Variants in IL34 observed in about 807,000 individuals in gnomAD.
IL34 encodes the protein interleukin-34.
IL34 carries 17 observed loss-of-function variants against 25.3 expected under a neutral mutation model. The observed-to-expected ratio is 0.67, with a 90% CI of 0.46 to 1.01. The LOEUF (loss-of-function observed/expected upper bound fraction) is 1.01, where lower values mean the gene tolerates loss of function less well. Among genes scored for constraint, IL34 ranks in the 50% least tolerant of loss-of-function variants. The pLI is 0.00. For synonymous variants in IL34, 174 were observed against 140.9 expected, an observed-to-expected ratio of 1.23 and a Z score of -1.66; for missense variants, 368 against 312.9, an observed-to-expected ratio of 1.18 and a Z score of -1.33.
chr16:70,597,069 T>G (rs1192080064), intron 1 of IL34, among the ~76,000 whole-genome samples: 1 of 152,082 alleles, frequency 6.6e-6, no homozygotes, highest in Non-Finnish European at 1.5e-5. Context: ...GCCTGCTGCT[T>G]AACCCTCCTA....
intron 5 of IL34, 100 bp from the exon 6 acceptor site, chr16:70,659,897 C>A: frequency 1.3e-6 from 2 of 1,481,484 alleles, no homozygotes; most frequent in Non-Finnish European, 1.8e-6. Flanking sequence ...CAGGATGGGC[C>A]CTGGGTAGAG....
intron 1 of IL34, among the ~76,000 whole-genome samples, chr16:70,651,132 CAG>C (rs747363116): frequency 5.6e-4 from 85 of 151,898 alleles, no homozygotes; most frequent in Admixed American, 2.8e-3. Context: ...GTGCTGGAGA[CAG>C]AGACCGATGG....
In IL34 at chr16:70,660,167, G is replaced by A. The variant is rs777887915; in HGVS notation, c.709G>A (p.Gly237Ser). 1.1e-4 allele frequency: 180 copies of A among 1,596,068 alleles called. No individual in the cohort carries two copies. The highest frequency in any genetic ancestry group is 1.5e-4 in the Non-Finnish European group (174 of 1,172,370). ...CTCGGTGAGGCCGGTCAGGGCACAG[G>A]GCGAGGGCCTCTTGCCCTGAGCACC... Reference protein sequence around the residue: ...TGSVRPVRAQGEGLLP With the variant: ...TGSVRPVRAQSEGLLP The change falls in exon 6 of 6, where the codon GGC becomes AGC. Residue 237 changes from glycine to serine, a missense_variant. Gly to Ser is a moderately conservative substitution (Grantham distance 56, BLOSUM62 0). Transcript: ENST00000288098.
intron 1 of IL34, among the ~76,000 whole-genome samples, chr16:70,584,363 G>T (rs1471604404): frequency 6.6e-6 from 1 of 152,212 alleles, no homozygotes; most frequent in African/African-American, 2.4e-5. Flanking sequence ...AAACAGCCAG[G>T]CTTTCCCCTT....
chr16:70,627,402 C>T (rs1329424510), intron 1 of IL34, among the ~76,000 whole-genome samples: 3 of 151,558 alleles, frequency 2.0e-5, no homozygotes, highest in Non-Finnish European at 4.4e-5. Flanking sequence ...CACTATCCCT[C>T]CCTCCCTCCA....
upstream of IL34, among the ~76,000 whole-genome samples, chr16:70,645,138 C>T (rs375364910): frequency 4.8e-3 from 560 of 116,842 alleles, 6 homozygotes; most frequent in Middle Eastern, 0.057. Context: ...AGGAGGAAGA[C>T]GAGGAAGGAG....
At chr16:70,594,196 A>G (rs900994703) in intron 1 of IL34, among the ~76,000 whole-genome samples, 2 of 151,560 alleles carry the variant, frequency 1.3e-5, no homozygotes, top group African/African-American at 4.8e-5. Flanking sequence ...CATTGAATCT[A>G]CAAAGTTGGG....
At chr16:70,608,248 C>G (rs2051041500) in intron 1 of IL34, among the ~76,000 whole-genome samples, 1 of 151,148 alleles carries the variant, frequency 6.6e-6, no homozygotes, top group South Asian at 2.1e-4. Flanking sequence ...CCTGCCTTAG[C>G]CTCATTTGTA....
intron 1 of IL34, among the ~76,000 whole-genome samples, chr16:70,630,234 CTTCT>C (rs932899723): frequency 5.3e-5 from 8 of 151,832 alleles, no homozygotes; most frequent in African/African-American, 9.7e-5. Flanking sequence ...ATTTTCTTTC[CTTCT>C]TTCTTTTTAA....
intron 1 of IL34, among the ~76,000 whole-genome samples, chr16:70,614,963 T>C (rs780479447): frequency 5.9e-5 from 9 of 152,208 alleles, no homozygotes; most frequent in South Asian, 2.1e-4. Flanking sequence ...TCATGTAAAA[T>C]AGAACTATAG....
chr16:70,624,178 C>A (rs968538961), intron 1 of IL34, among the ~76,000 whole-genome samples: 1 of 151,116 alleles, frequency 6.6e-6, no homozygotes, highest in Admixed American at 6.6e-5. Flanking sequence ...AGATGGGACG[C>A]GGCTTAGGAG....
rs1360420903 is a variant in IL34, at chr16:70,659,697, C to T, written c.482C>T (p.Pro161Leu). 4 of 1,611,986 alleles carry T rather than the reference C, an allele frequency of 2.5e-6. No homozygotes were observed. The African/African-American group carries it at 4.0e-5, about 16-fold the overall frequency. The change falls in exon 5 of 6, where the codon CCC becomes CTC. Residue 161 changes from proline (P) to leucine (L), a missense_variant. Physicochemically the swap from Pro to Leu is moderately conservative, Grantham distance 98. Coordinates refer to ENST00000288098, the MANE Select transcript of IL34 (RefSeq NM_001393494.1). Reference sequence around the variant, plus strand: ...GGGCCAAACCTGAAGCTGGTGCGGCCCAAAGCCCTGCTGGACAACTGCTTC... The same window carrying T: ...GGGCCAAACCTGAAGCTGGTGCGGCTCAAAGCCCTGCTGGACAACTGCTTC... ...APGPNLKLVR[P>L]KALLDNCFRV...
At chr16:70,623,488 C>T (rs569274354) in intron 1 of IL34, among the ~76,000 whole-genome samples, 8 of 152,062 alleles carry the variant, frequency 5.3e-5, no homozygotes, top group South Asian at 4.2e-4. Flanking sequence ...CTGTAGCAGG[C>T]GAGTGATAAC....
intron 1 of IL34, among the ~76,000 whole-genome samples, chr16:70,612,889 G>A (rs926143450): frequency 1.1e-4 from 16 of 152,120 alleles, no homozygotes; most frequent in African/African-American, 3.4e-4. Context: ...CGGTTAAAGC[G>A]ATTCTCCTGC....
At chr16:70,633,791 C>T (rs1000666054) in intron 1 of IL34, among the ~76,000 whole-genome samples, 2 of 152,096 alleles carry the variant, frequency 1.3e-5, no homozygotes, top group African/African-American at 4.8e-5. Flanking sequence ...ATTCCTGGTG[C>T]TGTGTGGCCT....
intron 1 of IL34, among the ~76,000 whole-genome samples, chr16:70,584,858 G>A (rs139799190): frequency 6.6e-6 from 1 of 151,856 alleles, no homozygotes; most frequent in African/African-American, 2.4e-5. Flanking sequence ...CTGCCACCAC[G>A]CCCGGCTAAT....
chr16:70,646,928 G>A lies in IL34; in HGVS notation c.-20G>A. 4.1e-6 allele frequency: 6 copies of A among 1,480,154 alleles called. No individual in the cohort carries two copies. The highest frequency in any genetic ancestry group is 4.5e-6 in the Non-Finnish European group (5 of 1,120,328). The allele number at this position is 1,480,154 out of a possible 1,614,324, so 91.7% of individuals were successfully genotyped here. ...GCTGGGGACGGCGCCTGAGCTCTCAGGGGGACGAGGAACACCACCATGCCC... is the reference window on the plus strand; with the variant it reads ...GCTGGGGACGGCGCCTGAGCTCTCAAGGGGACGAGGAACACCACCATGCCC... On this transcript the variant is annotated 5_prime_UTR_variant, in exon 1 of 6. Transcript: ENST00000288098.
At chr16:70,595,098 G>C (rs987820579) in intron 1 of IL34, among the ~76,000 whole-genome samples, 5 of 151,708 alleles carry the variant, frequency 3.3e-5, no homozygotes, top group African/African-American at 1.2e-4. Context: ...GGGGTAACAG[G>C]CGCCCGCCAC....
chr16:70,589,338 A>G (rs577855807), intron 1 of IL34, among the ~76,000 whole-genome samples: 7 of 152,298 alleles, frequency 4.6e-5, no homozygotes, highest in Middle Eastern at 3.4e-3. Flanking sequence ...TTCATCACCC[A>G]GGAATTAAGC....
Sources: allele counts gnomAD v4.1 joint callset (sites outside exome capture counted in the v4.1 genomes callset), GRCh38; gene constraint gnomAD v4.1.1; transcripts MANE v1.5; gene names NCBI Gene and HGNC (gene_info 2026-07-23, HGNC 2026-07-21).